Variants in PTPRT observed in about 807,000 individuals in gnomAD.
PTPRT encodes receptor-type tyrosine-protein phosphatase T.
In PTPRT, 56 loss-of-function variants were observed where a neutral mutation model predicts 176.8. That is an observed-to-expected ratio of 0.32 (90% CI 0.26 to 0.40). The LOEUF (loss-of-function observed/expected upper bound fraction) is 0.40, where lower values mean the gene tolerates loss of function less well. PTPRT is among the 10% of genes least tolerant of loss of function. The pLI, the probability that PTPRT is intolerant of heterozygous loss-of-function variation, is 1.00. For synonymous variants in PTPRT, 783 were observed against 739.0 expected (o/e 1.06, Z -0.96); for missense variants, 1,540 against 1,908.2 (o/e 0.81, Z 3.60).
chr20:42,790,024 C>T (rs7261359), intron 3 of PTPRT, among the ~76,000 whole-genome samples: 17,141 of 152,174 alleles, frequency 0.11, 1,064 homozygotes, highest in South Asian at 0.21. Context: ...ACTGCCTCAC[C>T]CTCTAACCTA....
At chr20:42,623,810 G>A (rs2074242583) in intron 7 of PTPRT, among the ~76,000 whole-genome samples, 1 of 151,928 alleles carries the variant, frequency 6.6e-6, no homozygotes, top group African/African-American at 2.4e-5. Flanking sequence ...ACCCAGCCTT[G>A]GCTCTTCTCT....
intron 23 of PTPRT, among the ~76,000 whole-genome samples, 200 bp downstream of exon 23, chr20:42,110,133 C>G (rs562520045): frequency 6.6e-6 from 1 of 151,928 alleles, no homozygotes; most frequent in African/African-American, 2.4e-5. Flanking sequence ...TGCAACCTCC[C>G]GCTCCTGGGT....
At chr20:42,161,722 C>G (rs1273160209) in intron 16 of PTPRT, among the ~76,000 whole-genome samples, 180 bp from the exon 17 acceptor site, 1 of 152,176 alleles carries the variant, frequency 6.6e-6, no homozygotes, top group Non-Finnish European at 1.5e-5. Context: ...GTTGGTAGAT[C>G]TAAGTATCAA....
intron 9 of PTPRT, among the ~76,000 whole-genome samples, chr20:42,401,544 C>T (rs1371098536): frequency 1.3e-5 from 2 of 152,090 alleles, no homozygotes; most frequent in East Asian, 1.9e-4. Context: ...TACACACACA[C>T]GAAAGGCAGC....
chr20:43,122,704 C>A (rs2013308340), intron 1 of PTPRT, among the ~76,000 whole-genome samples: 1 of 152,222 alleles, frequency 6.6e-6, no homozygotes, highest in Non-Finnish European at 1.5e-5. Context: ...GCTCCCCATT[C>A]ACCTTCCAAC....
intron 9 of PTPRT, among the ~76,000 whole-genome samples, chr20:42,396,107 A>C (rs1310091440): frequency 1.3e-5 from 2 of 152,180 alleles, no homozygotes; most frequent in Non-Finnish European, 2.9e-5. Context: ...GAAACTTAAC[A>C]GATGCCAAAC....
At chr20:43,177,029 A>G (rs772952459) in intron 1 of PTPRT, among the ~76,000 whole-genome samples, 6 of 152,196 alleles carry the variant, frequency 3.9e-5, no homozygotes, top group Non-Finnish European at 5.9e-5. Flanking sequence ...GGCTAAATAA[A>G]TAAAAAATGT....
intron 27 of PTPRT, among the ~76,000 whole-genome samples, chr20:42,092,849 GCCCCCA>G (rs1237760115): frequency 6.6e-6 from 1 of 152,182 alleles, no homozygotes; most frequent in East Asian, 1.9e-4. Context: ...ATCCATCACA[GCCCCCA>G]TTATCCTTGC....
chr20:42,174,216 A>C (rs189574938), intron 16 of PTPRT, among the ~76,000 whole-genome samples: 5 of 152,294 alleles, frequency 3.3e-5, no homozygotes, highest in Non-Finnish European at 5.9e-5. Flanking sequence ...TTAGAAGAAC[A>C]TGTCTTGGTC....
chr20:42,988,508 C>T (rs1983722759), intron 1 of PTPRT, among the ~76,000 whole-genome samples: 2 of 152,134 alleles, frequency 1.3e-5, no homozygotes, highest in African/African-American at 2.4e-5. Context: ...GTCCAGGCTT[C>T]CCATCCCCCA....
At position 42,128,823 on chromosome 20, in the gene PTPRT, A is replaced by G. The variant is rs1322153787; in HGVS notation, c.2778T>C (p.His926=). The G allele has an allele frequency of 6.2e-7, 1 of 1,606,596 alleles. No individual in the cohort carries two copies. Among genetic ancestry groups the G allele is most frequent in the African/African-American group, 1.3e-5 (1 of 74,580 alleles). ...CCAGCACCAGCAGCCTCACCCGGGA[A>G]TGGTCGTCTGCAGAGAGAGCAGAAA... The part of the protein sequence containing the change: ...NRYGNIISYD[H]SRVRLLVLDG... The change falls in exon 19 of 31, where the codon CAT becomes CAC. Residue 926 remains histidine, a synonymous_variant. Coordinates refer to ENST00000373187, the MANE Select transcript of PTPRT (RefSeq NM_007050.6).
chr20:42,666,118 G>C (rs1272794736), intron 7 of PTPRT, among the ~76,000 whole-genome samples: 2 of 151,926 alleles, frequency 1.3e-5, no homozygotes, highest in Non-Finnish European at 2.9e-5. Context: ...AAAAATAAAG[G>C]CTGAAAGAAA....
At chr20:42,277,874 A>G (rs1162671341) in intron 13 of PTPRT, among the ~76,000 whole-genome samples, 1 of 142,006 alleles carries the variant, frequency 7.0e-6, no homozygotes, top group East Asian at 2.1e-4. Context: ...ATGACCTGTT[A>G]GTCATCCACT....
intron 1 of PTPRT, among the ~76,000 whole-genome samples, chr20:43,043,671 A>G (rs896758853): frequency 1.3e-5 from 2 of 152,180 alleles, no homozygotes; most frequent in Non-Finnish European, 2.9e-5. Flanking sequence ...GAAGTAGGTT[A>G]AAGTTCAAGG....
In PTPRT at chr20:42,490,827, T is replaced by G. The variant is rs553567432; in HGVS notation, c.1154-18265A>C. On this transcript the variant is annotated intron_variant, in intron 7 of 30. Transcript: ENST00000373187. ...TAATATTTGCTGTAGAATTTTGGCTTATAAACTAGCAATCTAACAAAAGTT... is the reference window on the plus strand; with the variant it reads ...TAATATTTGCTGTAGAATTTTGGCTGATAAACTAGCAATCTAACAAAAGTT... Among the ~76,000 whole-genome samples, 8 of 152,318 alleles carry G rather than the reference T, an allele frequency of 5.3e-5. No individual in the cohort carries two copies. The South Asian group carries it at 1.7e-3, about 32-fold the overall frequency.
At position 42,192,015 on chromosome 20, in the gene PTPRT, C is replaced by T. The variant is rs73262910; in HGVS notation, c.2491+7225G>A. On this transcript the variant is annotated intron_variant, in intron 16 of 30. Transcript: ENST00000373187. ...ATTTAGGATGCAGTGTTTAATACAG[C>T]TCTTAGCTTGGGGTCATCAATTATG... Among the ~76,000 whole-genome samples the T allele has an allele frequency of 3.4e-3, 525 of 152,236 alleles. 4 individuals are homozygous for T. Among genetic ancestry groups the T allele is most frequent in the African/African-American group, 0.012 (503 of 41,542 alleles).
At chr20:43,140,747 T>G (rs2146399452) in intron 1 of PTPRT, among the ~76,000 whole-genome samples, 1 of 152,288 alleles carries the variant, frequency 6.6e-6, no homozygotes, top group Admixed American at 6.5e-5. Context: ...GCCAGTTTAC[T>G]TTTTTGAGAC....
intron 2 of PTPRT, among the ~76,000 whole-genome samples, chr20:42,830,645 G>A (rs2078068763): frequency 6.6e-6 from 1 of 152,048 alleles, no homozygotes; most frequent in Non-Finnish European, 1.5e-5. Context: ...TAGTAAGATA[G>A]GAAGTCAAAC....
chr20:42,229,053 A>G lies in PTPRT; in HGVS notation c.2342+7176T>C, dbSNP rs376203914. 3.0e-4 allele frequency among the ~76,000 whole-genome samples: 46 copies of G among 152,352 alleles called. No homozygotes were observed. The South Asian group carries it at 9.5e-3, about 32-fold the overall frequency. On this transcript the variant is annotated intron_variant, in intron 15 of 30. Transcript: ENST00000373187. Reference sequence around the variant, plus strand: ...AAAGATACTGGAGTTTTCTGGGCACACAAGGGGGATAGGAAGAATTCCAGG... The same window carrying G: ...AAAGATACTGGAGTTTTCTGGGCACGCAAGGGGGATAGGAAGAATTCCAGG...
Sources: gnomAD v4.1 joint callset for allele counts (sites outside exome capture counted in the v4.1 genomes callset) on GRCh38, gnomAD v4.1.1 for gene constraint, MANE v1.5 for transcripts, NCBI Gene and HGNC (gene_info 2026-07-23, HGNC 2026-07-21) for gene names.